The following CPXM2 variants were observed in gnomAD, a reference collection of about 807,000 sequenced individuals.
CPXM2 encodes the protein inactive carboxypeptidase-like protein X2.
Under a neutral mutation model 86.1 loss-of-function variants are expected in CPXM2, and 66 were observed. The observed-to-expected ratio is 0.77, with a 90% confidence interval of 0.63 to 0.94. The LOEUF (loss-of-function observed/expected upper bound fraction) is 0.94. CPXM2 is among the 40% of genes least tolerant of loss of function. The pLI is 0.00. For missense variants in CPXM2, 948 were observed against 1,026.3 expected, an observed-to-expected ratio of 0.92 and a Z score of 1.04; for synonymous variants, 388 against 400.2, an observed-to-expected ratio of 0.97 and a Z score of 0.36.
chr10:123,842,316 G>A (rs1178753079), intron 4 of CPXM2, 33 bp downstream of exon 4: 1 of 1,612,238 alleles, frequency 6.2e-7, no homozygotes, highest in African/African-American at 1.3e-5. Context: ...ACCCAAAACA[G>A]GGTCCAGAAA....
Position 123,768,572 on chromosome 10 carries a change from AC to A in CPXM2, c.1252del (p.Val418SerfsTer42). 6.2e-7 allele frequency: 1 copy of A among 1,613,796 alleles called. No homozygotes were observed. The highest frequency in any genetic ancestry group is 8.5e-7 in the Non-Finnish European group (1 of 1,179,848). On this transcript the variant is annotated frameshift_variant, in exon 9 of 14. Coordinates refer to ENST00000241305, the MANE Select transcript of CPXM2 (RefSeq NM_198148.3). LOFTEE classifies it high-confidence loss of function. ...VHLVEETRIH[V>X]LPSLNPDGYE... is the part of the protein sequence containing the mutation. Reference sequence around the variant, plus strand: ...GCCATCGGGGTTGAGGGAGGGGAGGACGTGAATCCGCGTCTCCTCCACCAGG... The same window carrying A: ...GCCATCGGGGTTGAGGGAGGGGAGGAGTGAATCCGCGTCTCCTCCACCAGG...
chr10:123,826,162 T>A (rs1455984265), intron 4 of CPXM2, among the ~76,000 whole-genome samples: 1 of 152,176 alleles, frequency 6.6e-6, no homozygotes, highest in East Asian at 1.9e-4. Context: ...GCACATGAAA[T>A]CAAGTAACTT....
chr10:123,901,139 C>G (rs1352540964), intron 2 of CPXM2, among the ~76,000 whole-genome samples: 1 of 152,174 alleles, frequency 6.6e-6, no homozygotes, highest in Non-Finnish European at 1.5e-5. Flanking sequence ...AAAAATAGAT[C>G]ACTAATTCTC....
At chr10:123,797,609 G>C (rs201010638) in intron 6 of CPXM2, among the ~76,000 whole-genome samples, 6 of 58,876 alleles carry the variant, frequency 1.0e-4, no homozygotes. Flanking sequence ...AGACAGGGTG[G>C]AGTGTAGTGG....
chr10:123,914,528 C>A (rs566492328), intron 2 of CPXM2, among the ~76,000 whole-genome samples: 1 of 152,126 alleles, frequency 6.6e-6, no homozygotes, highest in South Asian at 2.1e-4. Context: ...CCTCCAGGTC[C>A]CAAACTTCAC....
Position 123,768,617 on chromosome 10 carries a change from C to T in CPXM2, c.1208G>A (p.Arg403Gln), listed in dbSNP as rs150240288. ...CACCAGGTGGACGATGCGCGCATTC[C>T]GGGCCAAGTACTCCTGACACACGAA... ...VQFVCQEYLA[R>Q]NARIVHLVEE... Residue 403 changes from arginine (R) to glutamine (Q), a missense_variant, in exon 9 of 14, where the codon CGG becomes CAG. Physicochemically the swap from Arg to Gln is conservative, Grantham distance 43 (BLOSUM62 1). Coordinates refer to ENST00000241305, the MANE Select transcript of CPXM2 (RefSeq NM_198148.3). 5.0e-5 allele frequency: 81 copies of T among 1,613,946 alleles called. 2 individuals are homozygous for T. The East Asian group carries it at 1.5e-3, about 30-fold the overall frequency.
intron 2 of CPXM2, among the ~76,000 whole-genome samples, chr10:123,869,091 C>A (rs1285321391): frequency 6.6e-6 from 1 of 152,132 alleles, no homozygotes; most frequent in Non-Finnish European, 1.5e-5. Context: ...ATTTAAATAT[C>A]TGTAATCAGA....
In CPXM2 at chr10:123,799,166, C is replaced by G; in HGVS notation, c.687G>C (p.Val229=). The G allele has an allele frequency of 6.2e-7, 1 of 1,614,168 alleles. No individual in the cohort carries two copies. Among genetic ancestry groups the G allele is most frequent in the Non-Finnish European group, 8.5e-7 (1 of 1,180,026 alleles). Residue 229 remains valine (V), a synonymous_variant, in exon 5 of 14, where the codon GTG becomes GTC. Transcript: ENST00000241305. ...TGACCCACGTGTGGCTGTCATTGCT[C>G]ACCATGACCTTATAGGATGTCACCC... is the stretch of plus-strand genomic sequence containing the variant. ...SDWVTSYKVM[V]SNDSHTWVTV... is the part of the protein sequence containing the mutation.
chr10:123,749,985 T>G (rs988024191), intron 13 of CPXM2: 10 of 360,530 alleles, frequency 2.8e-5, no homozygotes, highest in Admixed American at 6.6e-5. Context: ...TTTGTTTTTT[T>G]TTTTTTTTTT....
At chr10:123,927,639 T>C (rs1439956905) in intron 2 of CPXM2, among the ~76,000 whole-genome samples, 1 of 152,200 alleles carries the variant, frequency 6.6e-6, no homozygotes, top group Non-Finnish European at 1.5e-5. Context: ...TCATGCGGCC[T>C]TAGGGCTCCC....
In CPXM2 at chr10:123,792,441, C is replaced by T. The variant is rs149751114; in HGVS notation, c.889+5535G>A. Among the ~76,000 whole-genome samples the T allele has an allele frequency of 1.8e-4, 28 of 152,216 alleles. 1 individual carries two copies. Among genetic ancestry groups the T allele is most frequent in the African/African-American group, 6.7e-4 (28 of 41,546 alleles). On this transcript the variant is annotated intron_variant, in intron 6 of 13. Transcript: ENST00000241305. ...GAACTCATGGTTTTGAAACGCAAGG[C>T]GCCAGCTAGCCAGGATGGAAGAAGG...
intron 2 of CPXM2, among the ~76,000 whole-genome samples, chr10:123,874,154 T>C (rs1000794280): frequency 6.6e-6 from 1 of 152,104 alleles, no homozygotes; most frequent in African/African-American, 2.4e-5. Flanking sequence ...TGAGCCACCA[T>C]GCCCAGCCTA....
chr10:123,830,872 CTGTGTGTGTGTGTG>C (rs34599295), intron 4 of CPXM2, among the ~76,000 whole-genome samples: 15 of 142,706 alleles, frequency 1.1e-4, no homozygotes, highest in South Asian at 4.6e-4. Flanking sequence ...CTCTCTCTCT[CTGTGTGTGTGTGTG>C]TGTGTGTGTG....
intron 4 of CPXM2, among the ~76,000 whole-genome samples, chr10:123,830,542 T>C (rs1848142096): frequency 6.6e-6 from 1 of 152,320 alleles, no homozygotes; most frequent in East Asian, 1.9e-4. Flanking sequence ...ATTAAATCCC[T>C]TTCTACTCAG....
intron 3 of CPXM2, among the ~76,000 whole-genome samples, chr10:123,846,146 G>A (rs892302997): frequency 1.3e-5 from 2 of 152,052 alleles, no homozygotes; most frequent in Admixed American, 1.3e-4. Flanking sequence ...ATGGTTTTGG[G>A]ATAATTTAAG....
Position 123,877,046 on chromosome 10 carries a change from G to C in CPXM2, c.403+3165C>G, listed in dbSNP as rs139064834. 2.1e-4 allele frequency among the ~76,000 whole-genome samples: 32 copies of C among 152,298 alleles called. No individual in the cohort carries two copies. In the East Asian group the frequency reaches 4.6e-3, roughly 22 times the overall value. On this transcript the variant is annotated intron_variant, in intron 2 of 13. Transcript: ENST00000241305. ...GTCCAATTCCCTATAGAGAGAACAT[G>C]TGAGCAGAGGCTTAAAGCTTGGGAC...
At chr10:123,843,369 T>C (rs1171711501) in intron 3 of CPXM2, 6 of 424,814 alleles carry the variant, frequency 1.4e-5, no homozygotes, top group Non-Finnish European at 2.8e-5. Context: ...AAAAAGGACA[T>C]TTGAACCAAG....
In CPXM2 at chr10:123,752,302, A is replaced by G. The variant is rs554061255; in HGVS notation, c.2017+2361T>C. On this transcript the variant is annotated intron_variant, in intron 13 of 13. Transcript: ENST00000241305. ...GAGGGGCTACTACGTACAAAATTCC[A>G]TGGTATTCAGTGTGAAGCCTCATGG... 240 of 985,228 alleles carry G rather than the reference A, an allele frequency of 2.4e-4. 3 individuals carry two copies. In the South Asian group the frequency reaches 9.1e-3, roughly 37 times the overall value. 61.0% of individuals were successfully genotyped at this position (985,228 alleles called of 1,614,324 possible).
intron 7 of CPXM2, among the ~76,000 whole-genome samples, chr10:123,773,141 T>TG (rs1846690019): frequency 6.6e-6 from 1 of 152,132 alleles, no homozygotes; most frequent in African/African-American, 2.4e-5. Flanking sequence ...TCCCTCATTG[T>TG]GGTTATCAGC....
Sources: allele counts gnomAD v4.1 joint callset (sites outside exome capture counted in the v4.1 genomes callset), GRCh38; gene constraint gnomAD v4.1.1; transcripts MANE v1.5; gene names NCBI Gene and HGNC (gene_info 2026-07-23, HGNC 2026-07-21).